AKT3: variants seen among roughly 807,000 people sequenced by gnomAD.
AKT3 encodes AKT serine/threonine kinase 3, also known as RAC-gamma serine/threonine-protein kinase.
Under a neutral mutation model 65.3 loss-of-function variants are expected in AKT3, and 15 were observed. That is an observed-to-expected ratio of 0.23 (90% confidence interval 0.15 to 0.35). The LOEUF (loss-of-function observed/expected upper bound fraction) is 0.35. AKT3 is among the 10% of genes least tolerant of loss of function. The pLI, the probability that AKT3 is intolerant of heterozygous loss-of-function variation, is 1.00. For synonymous variants in AKT3, 206 were observed against 183.8 expected, an observed-to-expected ratio of 1.12 and a Z score of -0.98; for missense variants, 243 against 576.5, an observed-to-expected ratio of 0.42 and a Z score of 5.92.
intron 2 of AKT3, among the ~76,000 whole-genome samples, chr1:243,815,390 G>C (rs1018076056): frequency 1.3e-5 from 2 of 151,940 alleles, no homozygotes; most frequent in African/African-American, 4.8e-5. Context: ...CCCTTTCCTC[G>C]TGTTTCCGTT....
intron 2 of AKT3, among the ~76,000 whole-genome samples, chr1:243,772,830 A>G (rs1352975586): frequency 6.6e-6 from 1 of 152,150 alleles, no homozygotes; most frequent in East Asian, 1.9e-4. Flanking sequence ...AATGTGGCAC[A>G]TATACACCAT....
intron 3 of AKT3, among the ~76,000 whole-genome samples, chr1:243,688,110 T>A (rs938543641): frequency 2.0e-5 from 3 of 152,042 alleles, no homozygotes; most frequent in Admixed American, 6.6e-5. Flanking sequence ...AATATGTACA[T>A]CTAATATGTA....
intron 2 of AKT3, among the ~76,000 whole-genome samples, chr1:243,791,016 A>C (rs917051017): frequency 2.0e-5 from 3 of 152,226 alleles, no homozygotes; most frequent in African/African-American, 4.8e-5. Flanking sequence ...AATTACCCAA[A>C]ATGTGACACA....
chr1:243,590,685 G>A (rs1460952521), intron 8 of AKT3, among the ~76,000 whole-genome samples: 3 of 152,018 alleles, frequency 2.0e-5, no homozygotes, highest in African/African-American at 4.8e-5. Context: ...TAACAGATTC[G>A]ACACTGAAAG....
At chr1:243,750,050 A>T (rs1435503914) in intron 2 of AKT3, among the ~76,000 whole-genome samples, 1 of 152,198 alleles carries the variant, frequency 6.6e-6, no homozygotes, top group Non-Finnish European at 1.5e-5. Context: ...GCTAAATGCA[A>T]TATGGCCTCA....
chr1:243,644,943 C>T (rs766923156), intron 5 of AKT3, among the ~76,000 whole-genome samples: 4 of 152,002 alleles, frequency 2.6e-5, no homozygotes, highest in Non-Finnish European at 4.4e-5. Flanking sequence ...TAGAAATCTA[C>T]AATGAAGACA....
chr1:243,818,238 G>C (rs1247824207), intron 2 of AKT3: 1 of 152,146 alleles, frequency 6.6e-6, no homozygotes, highest in African/African-American at 2.4e-5. Context: ...AAAATTCTAA[G>C]TCATTATTAC....
intron 4 of AKT3, among the ~76,000 whole-genome samples, chr1:243,655,195 C>G (rs1247274827): frequency 6.6e-6 from 1 of 152,054 alleles, no homozygotes; most frequent in Admixed American, 6.6e-5. Flanking sequence ...CTAATTTTCT[C>G]TAATGTGAGG....
chr1:243,594,078 G>A (rs895996971), intron 8 of AKT3, among the ~76,000 whole-genome samples: 2 of 152,070 alleles, frequency 1.3e-5, no homozygotes, highest in Non-Finnish European at 2.9e-5. Context: ...AGGGTTTCTA[G>A]AACTAATAAG....
rs921638257 is a variant in AKT3, at chr1:243,504,944, G to A, written c.*305C>T. 7 of 351,490 alleles carry A rather than the reference G, an allele frequency of 2.0e-5. No homozygotes were observed. Among genetic ancestry groups the A allele is most frequent in the Admixed American group, 1.8e-4 (4 of 22,230 alleles). The allele number at this position is 351,490 out of a possible 1,614,324, so 21.8% of individuals were successfully genotyped here. ...ATAATTGGTGCACAAATGAACAATG[G>A]TGGGCTCATGACTTCCAAAGGTTGG... On this transcript the variant is annotated 3_prime_UTR_variant, in exon 14 of 14. Coordinates refer to ENST00000673466, the MANE Select transcript of AKT3 (RefSeq NM_005465.7).
chr1:243,531,855 C>G (rs1219254566), intron 12 of AKT3, among the ~76,000 whole-genome samples: 4 of 152,066 alleles, frequency 2.6e-5, no homozygotes, highest in Non-Finnish European at 4.4e-5. Flanking sequence ...ATTCCTAAGA[C>G]ATTTTTTGAT....
At chr1:243,844,386 T>C (rs1258719487) in intron 1 of AKT3, among the ~76,000 whole-genome samples, 1 of 152,188 alleles carries the variant, frequency 6.6e-6, no homozygotes, top group African/African-American at 2.4e-5. Context: ...AAGGCATACA[T>C]ACTTGGGAAA....
At chr1:243,515,671 A>G (rs1212848018) in intron 12 of AKT3, among the ~76,000 whole-genome samples, 7 of 152,340 alleles carry the variant, frequency 4.6e-5, no homozygotes, top group Non-Finnish European at 1.0e-4. Flanking sequence ...TTCATTAAGA[A>G]TATTGGTCTA....
At chr1:243,493,501 G>A (rs1301881853) in intron 13 of AKT3, among the ~76,000 whole-genome samples, 3 of 152,076 alleles carry the variant, frequency 2.0e-5, no homozygotes, top group African/African-American at 7.2e-5. Context: ...TAATGAATAC[G>A]GTTTTGGCTG....
At chr1:243,680,988 G>A (rs1337726682) in intron 3 of AKT3, among the ~76,000 whole-genome samples, 2 of 152,066 alleles carry the variant, frequency 1.3e-5, no homozygotes, top group Non-Finnish European at 2.9e-5. Flanking sequence ...TGCCCACACT[G>A]GAAAACCTCT....
chr1:243,499,879 C>G lies in AKT3; in HGVS notation c.*5370G>C. 1 of 1,231,826 alleles carries G rather than the reference C, an allele frequency of 8.1e-7. No homozygotes were observed. 76.3% of individuals were successfully genotyped at this position (1,231,826 alleles called of 1,614,324 possible). Reference sequence around the variant, plus strand: ...TATGCCACAACGCACCACGACCTTCCCAGGGTGACACCGCCTCAGCCTGCA... The same window carrying G: ...TATGCCACAACGCACCACGACCTTCGCAGGGTGACACCGCCTCAGCCTGCA... On this transcript the variant is annotated 3_prime_UTR_variant, in exon 14 of 14. Coordinates refer to ENST00000673466, the MANE Select transcript of AKT3 (RefSeq NM_005465.7).
chr1:243,769,493 T>C (rs1255940164), intron 2 of AKT3, among the ~76,000 whole-genome samples: 3 of 152,198 alleles, frequency 2.0e-5, no homozygotes, highest in Non-Finnish European at 4.4e-5. Flanking sequence ...GACATCCTAA[T>C]AGGTGAGTTG....
At chr1:243,576,751 C>T (rs917527595) in intron 8 of AKT3, among the ~76,000 whole-genome samples, 2 of 152,166 alleles carry the variant, frequency 1.3e-5, no homozygotes, top group African/African-American at 4.8e-5. Flanking sequence ...GGAAAACATT[C>T]CAGGCTAATG....
At chr1:243,680,028 A>G (rs1257391255) in intron 3 of AKT3, among the ~76,000 whole-genome samples, 1 of 152,210 alleles carries the variant, frequency 6.6e-6, no homozygotes, top group Non-Finnish European at 1.5e-5. Flanking sequence ...CACCCTATAG[A>G]GACAGAAACT....
Sources: gnomAD v4.1 joint callset for allele counts (sites outside exome capture counted in the v4.1 genomes callset) on GRCh38, gnomAD v4.1.1 for gene constraint, MANE v1.5 for transcripts, NCBI Gene and HGNC (gene_info 2026-07-23, HGNC 2026-07-21) for gene names.